The following FRMPD4 variants were observed in gnomAD, a reference collection of about 807,000 sequenced individuals.
FRMPD4 encodes FERM and PDZ domain containing 4, also known as FERM and PDZ domain-containing protein 4.
A neutral mutation model predicts 94.1 loss-of-function variants in FRMPD4; 22 were observed. The ratio of observed to expected loss-of-function variants is 0.23; its 90% CI spans 0.17 to 0.33. The LOEUF is 0.33. Ranked by LOEUF, FRMPD4 falls within the 10% of genes least tolerant of loss-of-function variation. The pLI is 1.00. For missense variants in FRMPD4, 1,111 were observed against 1,339.9 expected (o/e 0.83, Z 2.67); for synonymous variants, 631 against 548.6 (o/e 1.15, Z -2.10).
intron 9 of FRMPD4, among the ~76,000 whole-genome samples, chrX:12,696,772 A>G (rs1330063212): frequency 8.9e-6 from 1 of 111,978 alleles, no homozygotes; most frequent in Non-Finnish European, 1.9e-5. Flanking sequence ...ACTTTCCTGT[A>G]TATTTCAAAA....
At chrX:11,943,150 A>G (rs758698780) in intron 3 of FRMPD4, among the ~76,000 whole-genome samples, 2 of 111,658 alleles carry the variant, frequency 1.8e-5, no homozygotes, top group Non-Finnish European at 3.8e-5. Context: ...TGGAATACCT[A>G]GGTACTATAG....
intron 1 of FRMPD4, among the ~76,000 whole-genome samples, chrX:12,315,628 A>G (rs151038934): frequency 3.5e-4 from 39 of 112,353 alleles, no homozygotes; most frequent in African/African-American, 1.3e-3. Context: ...GGCAAGACAC[A>G]TCAATGACCT....
chrX:12,538,049 C>T (rs768643385), intron 2 of FRMPD4, among the ~76,000 whole-genome samples: 5 of 111,200 alleles, frequency 4.5e-5, no homozygotes, highest in South Asian at 3.9e-4. Flanking sequence ...ACCCAGGAAG[C>T]GCAAGGGGTC....
intron 2 of FRMPD4, among the ~76,000 whole-genome samples, chrX:12,544,220 GAAGTTA>G (rs1308202091): frequency 9.0e-6 from 1 of 110,704 alleles, no homozygotes; most frequent in East Asian, 2.8e-4. Context: ...ATGTACCCTA[GAAGTTA>G]AAGTATAAAA....
At chrX:12,490,406 T>C (rs187757524) in intron 1 of FRMPD4, among the ~76,000 whole-genome samples, 10 of 111,563 alleles carry the variant, frequency 9.0e-5, no homozygotes, top group Non-Finnish European at 1.9e-5. Flanking sequence ...GAAAAAAGTC[T>C]AAGTTAGGTG....
intron 1 of FRMPD4, among the ~76,000 whole-genome samples, chrX:12,354,199 C>A (rs1188558777): frequency 1.8e-5 from 2 of 112,173 alleles, no homozygotes; most frequent in East Asian, 5.5e-4. Flanking sequence ...ATTTGTCTAA[C>A]GCAAGTTCAT....
At chrX:11,825,586 A>G (rs771110979) in intron 1 of FRMPD4, among the ~76,000 whole-genome samples, 9 of 106,324 alleles carry the variant, frequency 8.5e-5, no homozygotes, top group Non-Finnish European at 1.3e-4. Flanking sequence ...AATAATAACA[A>G]TATGTATCCT....
At chrX:12,459,147 G>T (rs1157073006) in intron 1 of FRMPD4, among the ~76,000 whole-genome samples, 1 of 110,768 alleles carries the variant, frequency 9.0e-6, no homozygotes, top group African/African-American at 3.3e-5. Flanking sequence ...AGCTCTCAGG[G>T]AGTAGCCTCA....
intron 8 of FRMPD4, among the ~76,000 whole-genome samples, chrX:12,691,804 G>A (rs1294948354): frequency 1.8e-5 from 2 of 110,647 alleles, no homozygotes; most frequent in South Asian, 8.1e-4. Context: ...AGCACTGGGA[G>A]ACAGTGTAGG....
At chrX:11,907,414 A>C (rs1259597066) in intron 3 of FRMPD4, among the ~76,000 whole-genome samples, 3 of 112,316 alleles carry the variant, frequency 2.7e-5, no homozygotes, top group Non-Finnish European at 5.6e-5. Context: ...TCAGGCTGCT[A>C]TAACAAATTA....
chrX:12,322,946 A>G (rs146302690), intron 1 of FRMPD4, among the ~76,000 whole-genome samples: 76 of 112,006 alleles, frequency 6.8e-4, no homozygotes, highest in Middle Eastern at 4.7e-3. Context: ...CCATGTTGAC[A>G]TCTCTTCTAA....
At chrX:11,844,232 A>G (rs2053560294) in intron 1 of FRMPD4, among the ~76,000 whole-genome samples, 1 of 108,712 alleles carries the variant, frequency 9.2e-6, no homozygotes, top group African/African-American at 3.4e-5. Flanking sequence ...CCTGACCTCA[A>G]GTGATCCACC....
chrX:12,315,431 G>T (rs963710291), intron 1 of FRMPD4, among the ~76,000 whole-genome samples: 1 of 111,900 alleles, frequency 8.9e-6, no homozygotes, highest in Non-Finnish European at 1.9e-5. Flanking sequence ...TGAATGAAAG[G>T]ACACATTCCT....
At chrX:12,333,275 A>G (rs1569235333) in intron 1 of FRMPD4, among the ~76,000 whole-genome samples, 1 of 111,222 alleles carries the variant, frequency 9.0e-6, no homozygotes, top group East Asian at 2.8e-4. Context: ...AGCCTATATG[A>G]TTCATTACCT....
At chrX:12,526,567 T>TC (rs772835039) in intron 2 of FRMPD4, among the ~76,000 whole-genome samples, 2 of 111,654 alleles carry the variant, frequency 1.8e-5, no homozygotes, top group South Asian at 7.7e-4. Flanking sequence ...TCATCACACC[T>TC]CCCTCTGGAT....
intron 2 of FRMPD4, among the ~76,000 whole-genome samples, chrX:12,539,235 G>GA (rs906455896): frequency 8.1e-5 from 9 of 111,548 alleles, no homozygotes; most frequent in African/African-American, 2.0e-4. Context: ...GAAGTTTAGA[G>GA]AAAAAAACAG....
intron 4 of FRMPD4, among the ~76,000 whole-genome samples, chrX:12,655,746 G>A (rs930964718): frequency 8.9e-6 from 1 of 111,872 alleles, no homozygotes. Context: ...AAAGACAATG[G>A]AAAGAAAGCT....
intron 2 of FRMPD4, among the ~76,000 whole-genome samples, chrX:12,599,162 TC>T (rs1475230124): frequency 9.9e-5 from 11 of 111,134 alleles, no homozygotes; most frequent in Non-Finnish European, 3.8e-5. Context: ...TCAGCCCTCC[TC>T]CTCAACTACT....
chrX:12,392,538 G>C (rs2056491638), intron 1 of FRMPD4, among the ~76,000 whole-genome samples: 1 of 108,885 alleles, frequency 9.2e-6, no homozygotes, highest in Admixed American at 9.7e-5. Flanking sequence ...CTGTAGTCCG[G>C]ACTACTTGGG....
Sources: gnomAD v4.1 joint callset for allele counts (sites outside exome capture counted in the v4.1 genomes callset) on GRCh38, gnomAD v4.1.1 for gene constraint, MANE v1.5 for transcripts, NCBI Gene and HGNC (gene_info 2026-07-23, HGNC 2026-07-21) for gene names.